Variants in WDR72 observed in about 807,000 individuals in gnomAD.
The protein encoded by WDR72 is WD repeat-containing protein 72.
WDR72 carries 120 observed loss-of-function variants against 124.2 expected under a neutral mutation model. The observed-to-expected ratio is 0.97, with a 90% CI of 0.83 to 1.12. The LOEUF is 1.12. WDR72 is among the 50% of genes most tolerant of loss of function. WDR72 has a pLI of 0.00. For missense variants in WDR72, 1,387 were observed against 1,278.8 expected, an observed-to-expected ratio of 1.08 and a Z score of -1.29; for synonymous variants, 452 against 441.7, an observed-to-expected ratio of 1.02 and a Z score of -0.29.
rs28879677 is a variant in WDR72, at chr15:53,690,079, G to A, written c.1765+9671C>T. 3.4e-5 allele frequency among the ~76,000 whole-genome samples: 4 copies of A among 116,636 alleles called. No individual in the cohort carries two copies. The Admixed American group carries it at 4.0e-4, about 12-fold the overall frequency. 76.5% of individuals were successfully genotyped at this position (116,636 alleles called of 152,430 possible). On this transcript the variant is annotated intron_variant, in intron 13 of 19. Transcript: ENST00000360509. ...TGGGGACTGTTGTGGGGTGGGGGGA[G>A]GGGGGAGGGATAGCACTGGGAGATA...
chr15:53,706,333 TG>T (rs1287684453), intron 9 of WDR72, among the ~76,000 whole-genome samples: 2 of 35,370 alleles, frequency 5.7e-5, no homozygotes, highest in African/African-American at 1.9e-4. Flanking sequence ...TATATGTGCG[TG>T]TGTGTGTGTG....
Position 53,517,681 on chromosome 15 carries a change from C to T in WDR72, c.*18G>A, listed in dbSNP as rs1356421632. The T allele has an allele frequency of 6.2e-7, 1 of 1,612,254 alleles. No homozygotes were observed. The highest frequency in any genetic ancestry group is 8.5e-7 in the Non-Finnish European group (1 of 1,178,742). On this transcript the variant is annotated 3_prime_UTR_variant, in exon 20 of 20. Transcript: ENST00000360509. ...TTCTTAATTTGTCCAAATTCAGCTCCTACTGATGAGATTCCATTTAAGACA... is the reference window on the plus strand; with the variant it reads ...TTCTTAATTTGTCCAAATTCAGCTCTTACTGATGAGATTCCATTTAAGACA...
At chr15:53,723,283 A>G (rs1336904828) in intron 2 of WDR72, among the ~76,000 whole-genome samples, 2 of 152,212 alleles carry the variant, frequency 1.3e-5, no homozygotes, top group Admixed American at 6.5e-5. Context: ...AACTTCACAA[A>G]ATAATACAAG....
chr15:53,596,038 A>G (rs1443119277), intron 18 of WDR72, among the ~76,000 whole-genome samples: 1 of 152,110 alleles, frequency 6.6e-6, no homozygotes, highest in African/African-American at 2.4e-5. Flanking sequence ...TCTCATAAAA[A>G]CAATGAGAAG....
intron 1 of WDR72, among the ~76,000 whole-genome samples, chr15:53,734,808 TA>T (rs5812711): frequency 0.67 from 72,574 of 108,490 alleles, 18,797 homozygotes; most frequent in African/African-American, 0.74. Context: ...GGGTTGGGAC[TA>T]AAAAAAAAAA....
At chr15:53,695,909 C>T (rs1042005595) in intron 13 of WDR72, among the ~76,000 whole-genome samples, 6 of 152,200 alleles carry the variant, frequency 3.9e-5, no homozygotes, top group Admixed American at 2.0e-4. Flanking sequence ...AAACTTTCCT[C>T]TATAATCGAG....
intron 19 of WDR72, among the ~76,000 whole-genome samples, chr15:53,519,971 A>G (rs978661771): frequency 5.3e-5 from 8 of 152,108 alleles, no homozygotes; most frequent in African/African-American, 1.9e-4. Context: ...GGTTATTTCT[A>G]TTTTATATAA....
rs193156356 is a variant in WDR72, at chr15:53,753,664, T to C, written c.-13+5969A>G. ...GATTATTCAAAATTTTCTCTAGTCC[T>C]GGCTCTTCCTACTTTCCCTTATTCC... is the stretch of plus-strand genomic sequence containing the variant. On this transcript the variant is annotated intron_variant, in intron 1 of 19. Transcript: ENST00000360509. Among the ~76,000 whole-genome samples, 16 of 152,350 alleles carry C rather than the reference T, an allele frequency of 1.1e-4. No homozygotes were observed. The East Asian group carries it at 2.7e-3, about 26-fold the overall frequency.
At chr15:53,691,446 A>G (rs2016837191) in intron 13 of WDR72, among the ~76,000 whole-genome samples, 1 of 152,152 alleles carries the variant, frequency 6.6e-6, no homozygotes, top group African/African-American at 2.4e-5. Context: ...CAGATGTACA[A>G]TTTGCAAATT....
At chr15:53,740,400 C>T (rs1481589506) in intron 1 of WDR72, among the ~76,000 whole-genome samples, 1 of 151,570 alleles carries the variant, frequency 6.6e-6, no homozygotes, top group East Asian at 1.9e-4. Flanking sequence ...CTCCGTCTCC[C>T]GGGTTCACGC....
chr15:53,587,914 G>C (rs922036441), intron 18 of WDR72, among the ~76,000 whole-genome samples: 4 of 151,946 alleles, frequency 2.6e-5, no homozygotes. Context: ...ATTTCTTGTA[G>C]CTTATTCTCA....
At chr15:53,689,859 G>C (rs191694143) in intron 13 of WDR72, among the ~76,000 whole-genome samples, 2 of 151,346 alleles carry the variant, frequency 1.3e-5, no homozygotes, top group Admixed American at 6.6e-5. Flanking sequence ...AATGTTGCAC[G>C]TATACACCAT....
intron 18 of WDR72, among the ~76,000 whole-genome samples, chr15:53,575,275 T>G (rs1007499741): frequency 1.3e-5 from 2 of 152,090 alleles, no homozygotes; most frequent in Non-Finnish European, 2.9e-5. Flanking sequence ...CTGATGTTCA[T>G]GGGAAGTGAT....
chr15:53,520,257 T>C (rs1332464020), intron 19 of WDR72, among the ~76,000 whole-genome samples: 1 of 152,120 alleles, frequency 6.6e-6, no homozygotes, highest in Non-Finnish European at 1.5e-5. Context: ...TCATTTTCTA[T>C]ATGCTGTTCA....
intron 3 of WDR72, among the ~76,000 whole-genome samples, chr15:53,718,605 A>C (rs1219683022): frequency 5.9e-5 from 9 of 152,114 alleles, no homozygotes; most frequent in South Asian, 4.1e-4. Context: ...TCTTACCTGG[A>C]ACCATATAAG....
intron 1 of WDR72, among the ~76,000 whole-genome samples, chr15:53,758,032 T>A (rs1339962286): frequency 1.3e-5 from 2 of 151,672 alleles, no homozygotes; most frequent in Non-Finnish European, 2.9e-5. Flanking sequence ...GACAGGGTCT[T>A]TCTCCGTCAC....
At chr15:53,720,912 C>T (rs935138796) in intron 3 of WDR72, among the ~76,000 whole-genome samples, 3 of 152,122 alleles carry the variant, frequency 2.0e-5, no homozygotes, top group African/African-American at 7.2e-5. Context: ...TCTGGGTCCC[C>T]TCTGGTCACC....
chr15:53,747,851 T>G (rs2018679425), intron 1 of WDR72, among the ~76,000 whole-genome samples: 2 of 152,296 alleles, frequency 1.3e-5, no homozygotes, highest in Non-Finnish European at 2.9e-5. Context: ...TCACTTTTAT[T>G]TATATTCAAT....
At chr15:53,652,909 A>C (rs1193345895) in intron 14 of WDR72, among the ~76,000 whole-genome samples, 1 of 152,104 alleles carries the variant, frequency 6.6e-6, no homozygotes, top group African/African-American at 2.4e-5. Flanking sequence ...ACCACTATTT[A>C]ATACACTTTT....
Sources: allele counts gnomAD v4.1 joint callset (sites outside exome capture counted in the v4.1 genomes callset), GRCh38; gene constraint gnomAD v4.1.1; transcripts MANE v1.5; gene names NCBI Gene and HGNC (gene_info 2026-07-23, HGNC 2026-07-21).